The following RFTN1 variants were observed in gnomAD, a reference collection of about 807,000 sequenced individuals.
RFTN1 encodes the protein raftlin, lipid raft linker 1, also known as raftlin.
RFTN1 carries 26 observed loss-of-function variants against 46.5 expected under a neutral mutation model. That is an observed-to-expected ratio of 0.56 (90% CI 0.41 to 0.78). The LOEUF (loss-of-function observed/expected upper bound fraction) is 0.78, where lower values mean the gene tolerates loss of function less well. RFTN1 is among the 30% of genes least tolerant of loss of function. The probability of loss-of-function intolerance (pLI) is 0.00; values close to 1 mark genes in which losing one functional copy is unlikely to be tolerated. For missense variants in RFTN1, 693 were observed against 718.7 expected, an observed-to-expected ratio of 0.96 and a Z score of 0.41; for synonymous variants, 261 against 284.2, an observed-to-expected ratio of 0.92 and a Z score of 0.82.
chr3:16,369,563 C>A (rs2073403416), intron 6 of RFTN1, among the ~76,000 whole-genome samples: 1 of 152,218 alleles, frequency 6.6e-6, no homozygotes. Flanking sequence ...CCACTAGAGA[C>A]AGCACATTAC....
At chr3:16,354,917 A>C (rs557012528) in intron 7 of RFTN1, among the ~76,000 whole-genome samples, 16 of 152,346 alleles carry the variant, frequency 1.1e-4, no homozygotes, top group African/African-American at 3.8e-4. Flanking sequence ...CTAGGACACG[A>C]ACACAATTTA....
intron 7 of RFTN1, among the ~76,000 whole-genome samples, chr3:16,333,833 T>C (rs756392027): frequency 1.3e-4 from 20 of 152,144 alleles, no homozygotes; most frequent in Non-Finnish European, 2.6e-4. Flanking sequence ...ACCCACTAAG[T>C]GCATGAGAGA....
At position 16,492,616 on chromosome 3, in the gene RFTN1, G is replaced by A. The variant is rs9812644; in HGVS notation, c.145+1109C>T. Among the ~76,000 whole-genome samples, 825 of 152,276 alleles carry A rather than the reference G, an allele frequency of 5.4e-3. 5 individuals are homozygous for A. Among genetic ancestry groups the A allele is most frequent in the African/African-American group, 0.019 (774 of 41,544 alleles). On this transcript the variant is annotated intron_variant, in intron 2 of 9. Coordinates refer to ENST00000334133, the MANE Select transcript of RFTN1 (RefSeq NM_015150.2). ...CTTAAAGTATATCCAGAAGCCCAGG[G>A]AGAAAATGTGTTCAGATGACTTCAT...
rs1187316727 is a variant in RFTN1, at chr3:16,422,880, C to G, written c.332+10971G>C. Among the ~76,000 whole-genome samples the G allele has an allele frequency of 6.6e-6, 1 of 151,802 alleles. No individual in the cohort carries two copies. Among genetic ancestry groups the G allele is most frequent in the Non-Finnish European group, 1.5e-5 (1 of 67,900 alleles). On this transcript the variant is annotated intron_variant, in intron 3 of 9. Transcript: ENST00000334133. This position sits in a 1 kb window ranked among gnomAD's most constrained non-coding sequence, Gnocchi z 4.6. ...TACCTAGAAGAAAATAAAAGTTAGA[C>G]TCCTGGCTGGGTGCAGTGGCTCACG... is the stretch of plus-strand genomic sequence containing the variant.
chr3:16,357,190 A>G (rs1269554076), intron 7 of RFTN1, among the ~76,000 whole-genome samples: 1 of 152,120 alleles, frequency 6.6e-6, no homozygotes, highest in Non-Finnish European at 1.5e-5. Flanking sequence ...ATGTCCAAAT[A>G]GCTTCTCCCT....
chr3:16,325,852 T>TCC (rs1350269025), intron 8 of RFTN1, among the ~76,000 whole-genome samples: 1 of 152,190 alleles, frequency 6.6e-6, no homozygotes, highest in African/African-American at 2.4e-5. Context: ...CCCCATGCTG[T>TCC]CCATCACTCT....
chr3:16,434,152 A>C, intron 2 of RFTN1, 115 bp from the exon 3 acceptor site: 1 of 842,606 alleles, frequency 1.2e-6, no homozygotes, highest in Non-Finnish European at 1.8e-6. Flanking sequence ...TGCTAAAATG[A>C]GTTTGTCCCA....
chr3:16,405,798 C>T (rs560074125), intron 4 of RFTN1, among the ~76,000 whole-genome samples: 1 of 152,234 alleles, frequency 6.6e-6, no homozygotes, highest in Non-Finnish European at 1.5e-5. Context: ...ACCTGTCCTG[C>T]ATGATGGTAC....
intron 4 of RFTN1, among the ~76,000 whole-genome samples, chr3:16,404,313 T>C (rs867498061): frequency 6.2e-5 from 1 of 16,114 alleles, no homozygotes. Flanking sequence ...GTAATATATA[T>C]TATATATAAT....
At chr3:16,332,451 A>C (rs372844522) in intron 7 of RFTN1, among the ~76,000 whole-genome samples, 1 of 148,540 alleles carries the variant, frequency 6.7e-6, no homozygotes, top group Non-Finnish European at 1.5e-5. Flanking sequence ...TTTTTGCTTC[A>C]TGGATACATT....
Position 16,425,573 on chromosome 3 carries a change from C to T in RFTN1, c.332+8278G>A, listed in dbSNP as rs1380078468. Among the ~76,000 whole-genome samples, 1 of 152,142 alleles carries T rather than the reference C, an allele frequency of 6.6e-6. No homozygotes were observed. Among genetic ancestry groups the T allele is most frequent in the Non-Finnish European group, 1.5e-5 (1 of 68,032 alleles). On this transcript the variant is annotated intron_variant, in intron 3 of 9. Coordinates refer to ENST00000334133, the MANE Select transcript of RFTN1 (RefSeq NM_015150.2). The surrounding 1 kb of genome is among the most constrained non-coding windows in gnomAD (Gnocchi z 4.3). Reference sequence around the variant, plus strand: ...AATGAGCTCTCACACCAACCATGCACGTCTCCTTCTTGTTCTCTCCACCGG... The same window carrying T: ...AATGAGCTCTCACACCAACCATGCATGTCTCCTTCTTGTTCTCTCCACCGG...
intron 2 of RFTN1, chr3:16,454,914 A>C (rs748835831): frequency 6.3e-5 from 22 of 350,466 alleles, no homozygotes; most frequent in Non-Finnish European, 8.4e-5. Flanking sequence ...CGTGATTGAA[A>C]AAACAAAAAC....
In RFTN1 at chr3:16,321,091, G is replaced by A. The variant is rs939643112; in HGVS notation, c.1332+2285C>T. ...TTGAATATAGGGGAAGGAGAGGGGA[G>A]GGTCAGCAGGGATAGCCCCTAAGGT... On this transcript the variant is annotated intron_variant, in intron 9 of 9. Coordinates refer to ENST00000334133, the MANE Select transcript of RFTN1 (RefSeq NM_015150.2). This position sits in a 1 kb window ranked among gnomAD's most constrained non-coding sequence, Gnocchi z 4.8. Among the ~76,000 whole-genome samples, 1 of 152,120 alleles carries A rather than the reference G, an allele frequency of 6.6e-6. No homozygotes were observed. The highest frequency in any genetic ancestry group is 2.4e-5 in the African/African-American group (1 of 41,412).
rs2076251317 is a variant in RFTN1, at chr3:16,474,542, G to A, written c.145+19183C>T. Among the ~76,000 whole-genome samples the A allele has an allele frequency of 6.6e-6, 1 of 152,150 alleles. No individual in the cohort carries two copies. Among genetic ancestry groups the A allele is most frequent in the Non-Finnish European group, 1.5e-5 (1 of 68,042 alleles). On this transcript the variant is annotated intron_variant, in intron 2 of 9. Coordinates refer to ENST00000334133, the MANE Select transcript of RFTN1 (RefSeq NM_015150.2). This position sits in a 1 kb window ranked among gnomAD's most constrained non-coding sequence, Gnocchi z 5.5. ...ATTCTCTGGTGATGAGTGATGCTGG[G>A]AACAGCAGACTGGACATCTATGGGC...
rs147257897 is a variant in RFTN1 at position 16,417,751 on chromosome 3, C to A, written c.333-8268G>T. On this transcript the variant is annotated intron_variant, in intron 3 of 9. Transcript: ENST00000334133. ...AAAGATTCTTTCTGAAACCAAAGCA[C>A]ATAATCTAGACATTTTGTTCTCATA... 1.7e-3 allele frequency among the ~76,000 whole-genome samples: 257 copies of A among 152,336 alleles called. 3 individuals are homozygous for A. The highest frequency in any genetic ancestry group is 5.8e-3 in the African/African-American group (243 of 41,580).
In RFTN1 at chr3:16,460,870, A is replaced by G. The variant is rs1272490492; in HGVS notation, c.146-26833T>C. On this transcript the variant is annotated intron_variant, in intron 2 of 9. Transcript: ENST00000334133. This position sits in a 1 kb window ranked among gnomAD's most constrained non-coding sequence, Gnocchi z 4.8. ...CCACCTACCCACCCCAGAATTTCTT[A>G]CCCTTCATAAGGCAGCCCCTACTCG... Among the ~76,000 whole-genome samples, 1 of 152,188 alleles carries G rather than the reference A, an allele frequency of 6.6e-6. No homozygotes were observed. The highest frequency in any genetic ancestry group is 2.4e-5 in the African/African-American group (1 of 41,456).
intron 7 of RFTN1, among the ~76,000 whole-genome samples, chr3:16,343,115 G>A (rs1370032400): frequency 6.6e-6 from 1 of 152,178 alleles, no homozygotes; most frequent in Admixed American, 6.5e-5. Flanking sequence ...AAAGAGCTGG[G>A]ATTACAGGCA....
At chr3:16,398,650 C>G (rs1553581587) in intron 4 of RFTN1, among the ~76,000 whole-genome samples, 1 of 152,166 alleles carries the variant, frequency 6.6e-6, no homozygotes, top group Non-Finnish European at 1.5e-5. Flanking sequence ...TTCAGGAGCT[C>G]CCAGGTTGGC....
chr3:16,472,658 G>A (rs1337101952), intron 2 of RFTN1: 1 of 152,226 alleles, frequency 6.6e-6, no homozygotes, highest in Non-Finnish European at 1.5e-5. Context: ...CGGAATCTTG[G>A]CAAGGCAGAA....
Sources: gnomAD v4.1 joint callset for allele counts (sites outside exome capture counted in the v4.1 genomes callset) on GRCh38, gnomAD v4.1.1 for gene constraint, Gnocchi (gnomAD v3.1) non-coding constraint, MANE v1.5 for transcripts, NCBI Gene and HGNC (gene_info 2026-07-23, HGNC 2026-07-21) for gene names.